RAB11FIP4: variants seen among roughly 807,000 people sequenced by gnomAD.
The protein encoded by RAB11FIP4 is rab11 family-interacting protein 4.
RAB11FIP4 carries 23 observed loss-of-function variants against 74.3 expected under a neutral mutation model. The observed-to-expected ratio is 0.31, with a 90% CI of 0.22 to 0.44. The LOEUF (loss-of-function observed/expected upper bound fraction) is 0.44. Ranked by LOEUF, RAB11FIP4 falls within the 20% of genes least tolerant of loss-of-function variation. The probability of loss-of-function intolerance (pLI) is 1.00; values close to 1 mark genes in which losing one functional copy is unlikely to be tolerated. For missense variants in RAB11FIP4, 630 were observed against 863.9 expected (o/e 0.73, Z 3.39); for synonymous variants, 360 against 359.9 (o/e 1.00, Z 0.00).
intron 3 of RAB11FIP4, among the ~76,000 whole-genome samples, chr17:31,516,864 A>C (rs141653256): frequency 0.01 from 1,588 of 152,264 alleles, 22 homozygotes; most frequent in African/African-American, 0.036. Context: ...TTTAAATACC[A>C]TCTAGAGGTT....
intron 3 of RAB11FIP4, among the ~76,000 whole-genome samples, chr17:31,487,762 G>C (rs971767488): frequency 6.6e-6 from 1 of 152,074 alleles, no homozygotes; most frequent in African/African-American, 2.4e-5. Context: ...GCAGGGGCGC[G>C]AGCTCACACG....
chr17:31,517,197 G>GGC (rs1567687900), intron 3 of RAB11FIP4, among the ~76,000 whole-genome samples: 3 of 131,170 alleles, frequency 2.3e-5, no homozygotes, highest in Admixed American at 7.4e-5. Flanking sequence ...GGTGCGGGGG[G>GGC]GGGGGCGGTG....
intron 3 of RAB11FIP4, among the ~76,000 whole-genome samples, chr17:31,480,961 A>C (rs113261853): frequency 0.033 from 5,064 of 152,276 alleles, 272 homozygotes; most frequent in African/African-American, 0.11. Flanking sequence ...GCTCCACAAG[A>C]ATCAACCAAG....
intron 1 of RAB11FIP4, among the ~76,000 whole-genome samples, chr17:31,425,932 C>T (rs375948268): frequency 2.0e-5 from 3 of 152,186 alleles, no homozygotes; most frequent in Non-Finnish European, 4.4e-5. Flanking sequence ...ATGCTCCCTG[C>T]GTGACCTTGA....
chr17:31,534,926 C>G lies in RAB11FIP4; in HGVS notation c.*3194C>G, dbSNP rs1157809911. ...CAGGAGTGAGCTTCGTGTACATTATCTATTAGAAAATGAAGTACCTTCTGG... is the reference window on the plus strand; with the variant it reads ...CAGGAGTGAGCTTCGTGTACATTATGTATTAGAAAATGAAGTACCTTCTGG... On this transcript the variant is annotated 3_prime_UTR_variant, in exon 15 of 15. Transcript: ENST00000621161. The G allele has an allele frequency of 1.3e-5, 2 of 154,320 alleles. No homozygotes were observed. The highest frequency in any genetic ancestry group is 2.4e-5 in the African/African-American group (1 of 41,490). 9.6% of individuals were successfully genotyped at this position (154,320 alleles called of 1,614,324 possible). A position where few individuals can be genotyped will look rare whatever the true frequency, so the allele number is the denominator to read the frequency against.
At chr17:31,416,714 T>TGAAG (rs1489589154) in intron 1 of RAB11FIP4, among the ~76,000 whole-genome samples, 2 of 152,130 alleles carry the variant, frequency 1.3e-5, no homozygotes, top group Non-Finnish European at 2.9e-5. Flanking sequence ...GGGACAGAGC[T>TGAAG]AGGGGCAGTT....
intron 3 of RAB11FIP4, among the ~76,000 whole-genome samples, chr17:31,482,861 AG>A (rs1458268327): frequency 6.6e-6 from 1 of 152,126 alleles, no homozygotes; most frequent in Non-Finnish European, 1.5e-5. Flanking sequence ...GCCAGCTGCC[AG>A]GGGGGCTTTT....
At chr17:31,397,071 G>A (rs954058715) in intron 1 of RAB11FIP4, among the ~76,000 whole-genome samples, 20 of 152,164 alleles carry the variant, frequency 1.3e-4, no homozygotes. Flanking sequence ...GGCTGGGATC[G>A]ATGTCTTTTG....
At chr17:31,519,529 G>A (rs2072623685) in intron 4 of RAB11FIP4, among the ~76,000 whole-genome samples, 1 of 152,154 alleles carries the variant, frequency 6.6e-6, no homozygotes, top group South Asian at 2.1e-4. Context: ...GTGGGGTGGT[G>A]GGAAGCTGCC....
chr17:31,466,496 T>C (rs1490198450), intron 3 of RAB11FIP4, among the ~76,000 whole-genome samples: 1 of 152,198 alleles, frequency 6.6e-6, no homozygotes, highest in East Asian at 1.9e-4. Context: ...TGTTACACCA[T>C]TTTACAGGCT....
At chr17:31,523,656 C>G in intron 8 of RAB11FIP4, 45 bp downstream of exon 8, 1 of 1,539,866 alleles carries the variant, frequency 6.5e-7, no homozygotes. Flanking sequence ...CATGCCTGCT[C>G]CCAGGGGAGA....
At chr17:31,422,473 C>A (rs1301104500) in intron 1 of RAB11FIP4, among the ~76,000 whole-genome samples, 1 of 152,112 alleles carries the variant, frequency 6.6e-6, no homozygotes, top group Non-Finnish European at 1.5e-5. Context: ...GTCAATTTGT[C>A]TATTTCTCCT....
intron 1 of RAB11FIP4, among the ~76,000 whole-genome samples, chr17:31,404,476 C>G (rs553411004): frequency 6.6e-6 from 1 of 152,378 alleles, no homozygotes; most frequent in South Asian, 2.1e-4. Context: ...TGAGAAGTTA[C>G]TTAACCTCTT....
At chr17:31,474,385 A>G (rs1480076652) in intron 3 of RAB11FIP4, among the ~76,000 whole-genome samples, 3 of 152,126 alleles carry the variant, frequency 2.0e-5, no homozygotes, top group Non-Finnish European at 4.4e-5. Flanking sequence ...AGAAAGGTTT[A>G]AAGGGACCAG....
intron 9 of RAB11FIP4, chr17:31,524,223 A>T: frequency 1.9e-6 from 1 of 521,178 alleles, no homozygotes; most frequent in Non-Finnish European, 3.5e-6. Context: ...GGCCCAATGG[A>T]TTCTACCCCC....
At chr17:31,496,024 G>A (rs962607678) in intron 3 of RAB11FIP4, among the ~76,000 whole-genome samples, 11 of 152,056 alleles carry the variant, frequency 7.2e-5, no homozygotes, top group Non-Finnish European at 1.3e-4. Flanking sequence ...ATTTGACAGC[G>A]CCTTTTTCTT....
At chr17:31,409,375 C>T (rs1239021679) in intron 1 of RAB11FIP4, among the ~76,000 whole-genome samples, 1 of 152,152 alleles carries the variant, frequency 6.6e-6, no homozygotes, top group Non-Finnish European at 1.5e-5. Context: ...AATGTTTCAA[C>T]GATGCTTGCT....
chr17:31,463,143 C>G (rs757673005), intron 3 of RAB11FIP4, among the ~76,000 whole-genome samples: 11 of 152,198 alleles, frequency 7.2e-5, no homozygotes, highest in Non-Finnish European at 1.5e-4. Context: ...ACCACCAGAG[C>G]ATAGTCCCAT....
intron 3 of RAB11FIP4, among the ~76,000 whole-genome samples, chr17:31,469,631 CAAAAAAAAAA>C (rs11414143): frequency 1.1e-5 from 1 of 91,736 alleles, no homozygotes; most frequent in Non-Finnish European, 2.2e-5. Flanking sequence ...GACCCTCTCT[CAAAAAAAAAA>C]AAAAAAAAAG....
Sources: allele counts gnomAD v4.1 joint callset (sites outside exome capture counted in the v4.1 genomes callset), GRCh38; gene constraint gnomAD v4.1.1; transcripts MANE v1.5; gene names NCBI Gene and HGNC (gene_info 2026-07-23, HGNC 2026-07-21).